Variants in MGAT4C observed in about 807,000 individuals in gnomAD.
MGAT4C encodes alpha-1,3-mannosyl-glycoprotein 4-beta-N-acetylglucosaminyltransferase C.
MGAT4C carries 19 observed loss-of-function variants against 40.1 expected under a neutral mutation model. That is an observed-to-expected ratio of 0.47 (90% confidence interval 0.33 to 0.70). The LOEUF (loss-of-function observed/expected upper bound fraction) is 0.70. MGAT4C is among the 30% of genes least tolerant of loss of function. The pLI is 0.02. For synonymous variants in MGAT4C, 181 were observed against 187.1 expected (o/e 0.97, Z 0.27); for missense variants, 491 against 563.2 (o/e 0.87, Z 1.30).
chr12:86,494,899 T>A (rs1958210797), intron 2 of MGAT4C, among the ~76,000 whole-genome samples: 1 of 152,068 alleles, frequency 6.6e-6, no homozygotes, highest in African/African-American at 2.4e-5. Context: ...TAATAAGATA[T>A]GTTTGAATAA....
chr12:86,116,008 C>T (rs982078185), intron 1 of MGAT4C, among the ~76,000 whole-genome samples: 2 of 152,026 alleles, frequency 1.3e-5, no homozygotes, highest in Admixed American at 6.6e-5. Context: ...CAGCCCATAA[C>T]AGTAGCCACA....
At position 86,244,517 on chromosome 12, in the gene MGAT4C, G is replaced by T. The variant is rs186022620; in HGVS notation, c.-57+11722C>A. Among the ~76,000 whole-genome samples, 352 of 152,310 alleles carry T rather than the reference G, an allele frequency of 2.3e-3. 2 individuals are homozygous for T. Among genetic ancestry groups the T allele is most frequent in the Non-Finnish European group, 4.0e-3 (272 of 68,028 alleles). On this transcript the variant is annotated intron_variant, in intron 1 of 4. Coordinates refer to ENST00000611864, the MANE Select transcript of MGAT4C (RefSeq NM_001351288.2). ...CTCCCTAAAGGGATCTAAGTCTGGG[G>T]TCTCTCATCATACATTCATTTAATC...
intron 2 of MGAT4C, among the ~76,000 whole-genome samples, chr12:86,690,786 T>A (rs1950158895): frequency 6.6e-6 from 1 of 152,196 alleles, no homozygotes; most frequent in Non-Finnish European, 1.5e-5. Flanking sequence ...ACTTTTAATG[T>A]TGATGTTCTC....
At chr12:86,421,384 T>A (rs1271893617) in intron 3 of MGAT4C, among the ~76,000 whole-genome samples, 1 of 152,222 alleles carries the variant, frequency 6.6e-6, no homozygotes, top group Non-Finnish European at 1.5e-5. Flanking sequence ...CTGAAGCTCA[T>A]ACCTTTGGTT....
chr12:86,613,216 C>A (rs186493365), intron 2 of MGAT4C, among the ~76,000 whole-genome samples: 1 of 152,202 alleles, frequency 6.6e-6, no homozygotes, highest in East Asian at 1.9e-4. Flanking sequence ...TCTACCACAA[C>A]TGTCAATAAA....
chr12:86,392,136 TAC>T (rs370343842), intron 3 of MGAT4C, among the ~76,000 whole-genome samples: 7 of 152,220 alleles, frequency 4.6e-5, no homozygotes, highest in African/African-American at 1.7e-4. Context: ...GTACTAGAGA[TAC>T]CAAGATAAAA....
intron 1 of MGAT4C, among the ~76,000 whole-genome samples, chr12:86,093,416 G>A (rs1873250192): frequency 6.6e-6 from 1 of 152,080 alleles, no homozygotes; most frequent in African/African-American, 2.4e-5. Context: ...GCTTATGTAA[G>A]TTATTCATAG....
intron 4 of MGAT4C, among the ~76,000 whole-genome samples, chr12:86,320,554 A>G (rs1263285741): frequency 6.6e-6 from 1 of 152,166 alleles, no homozygotes; most frequent in Non-Finnish European, 1.5e-5. Flanking sequence ...TTCAAACAGT[A>G]TCTCATTTCA....
At chr12:86,761,336 G>A (rs570265349) in intron 1 of MGAT4C, among the ~76,000 whole-genome samples, 1 of 152,172 alleles carries the variant, frequency 6.6e-6, no homozygotes, top group East Asian at 1.9e-4. Context: ...GTAGTTTGAG[G>A]CTAAATATTA....
In MGAT4C at chr12:85,975,677, T is replaced by G. The variant is rs1883922333; in HGVS notation, c.*3612A>C. Reference sequence around the variant, plus strand: ...TGACAGAAGCAAGATCTAGAAAGTTTGGGATCATGAATCAAAAGAAACAGG... The same window carrying G: ...TGACAGAAGCAAGATCTAGAAAGTTGGGGATCATGAATCAAAAGAAACAGG... On this transcript the variant is annotated 3_prime_UTR_variant, in exon 5 of 5. Transcript: ENST00000611864. 6.6e-6 allele frequency: 1 copy of G among 151,046 alleles called. No individual in the cohort carries two copies. The highest frequency in any genetic ancestry group is 2.1e-4 in the South Asian group (1 of 4,826). 9.4% of individuals were successfully genotyped at this position (151,046 alleles called of 1,614,324 possible).
intron 2 of MGAT4C, among the ~76,000 whole-genome samples, chr12:86,034,023 G>A (rs1356404964): frequency 6.0e-5 from 9 of 149,600 alleles, no homozygotes. Flanking sequence ...ATGTGTTTTT[G>A]TTTTTAGTTC....
intron 4 of MGAT4C, among the ~76,000 whole-genome samples, chr12:86,316,352 AATCCAATTACTGGCTATAT>A (rs1954230765): frequency 1.3e-5 from 2 of 152,234 alleles, no homozygotes; most frequent in South Asian, 4.1e-4. Flanking sequence ...TCAGCACAGC[AATCCAATTACTGGCTATAT>A]ATCCAAAAGA....
intron 4 of MGAT4C, among the ~76,000 whole-genome samples, chr12:86,301,589 T>TTTG (rs1953813972): frequency 6.6e-6 from 1 of 152,176 alleles, no homozygotes; most frequent in African/African-American, 2.4e-5. Flanking sequence ...TCTAGTTGAT[T>TTTG]TTGTTGTTGT....
At chr12:86,559,315 G>A (rs1055873290) in intron 2 of MGAT4C, among the ~76,000 whole-genome samples, 46 of 151,764 alleles carry the variant, frequency 3.0e-4, no homozygotes, top group African/African-American at 1.1e-3. Context: ...TACAACAAAT[G>A]GATCTAACAG....
intron 2 of MGAT4C, among the ~76,000 whole-genome samples, chr12:86,657,883 G>A (rs11829592): frequency 0.086 from 13,062 of 151,780 alleles, 905 homozygotes; most frequent in African/African-American, 0.19. Context: ...CCTAAAAACA[G>A]TGGTTCCCCA....
chr12:86,084,081 A>G (rs2135550090), intron 1 of MGAT4C, among the ~76,000 whole-genome samples: 2 of 152,232 alleles, frequency 1.3e-5, no homozygotes, highest in African/African-American at 4.8e-5. Context: ...CTGAGCATCA[A>G]CTATTTGTAA....
chr12:86,775,798 T>C (rs938694482), intron 1 of MGAT4C, among the ~76,000 whole-genome samples: 41 of 151,624 alleles, frequency 2.7e-4, no homozygotes, highest in Non-Finnish European at 5.0e-4. Flanking sequence ...TTCACTTATT[T>C]CTATTTTTCT....
chr12:86,052,584 T>C lies in MGAT4C; in HGVS notation c.-56-2861A>G, dbSNP rs151056676. 3.7e-3 allele frequency among the ~76,000 whole-genome samples: 564 copies of C among 152,122 alleles called. 2 individuals are homozygous for C. The highest frequency in any genetic ancestry group is 0.017 in the Middle Eastern group (5 of 294). On this transcript the variant is annotated intron_variant, in intron 1 of 4. Transcript: ENST00000611864. The stretch of plus-strand genomic sequence containing the variant: ...CACATGAACAGCTTCAAGAATCAAA[T>C]TGACCACACTACATCACTCAGCAAA...
intron 2 of MGAT4C, among the ~76,000 whole-genome samples, chr12:86,469,290 C>G (rs1957725255): frequency 6.6e-6 from 1 of 152,016 alleles, no homozygotes. Context: ...TGAGCTGTAC[C>G]TAGAGAATTG....
Sources: allele counts gnomAD v4.1 joint callset (sites outside exome capture counted in the v4.1 genomes callset), GRCh38; gene constraint gnomAD v4.1.1; transcripts MANE v1.5; gene names NCBI Gene and HGNC (gene_info 2026-07-23, HGNC 2026-07-21).